KYNU: variants seen among roughly 807,000 people sequenced by gnomAD.
The protein encoded by KYNU is L-kynurenine hydrolase.
A neutral mutation model predicts 59.2 loss-of-function variants in KYNU; 54 were observed. The ratio of observed to expected loss-of-function variants is 0.91; its 90% CI spans 0.73 to 1.14. KYNU has a LOEUF of 1.14. Among genes scored for constraint, KYNU ranks in the 50% most tolerant of loss-of-function variants. KYNU has a pLI of 0.00. For missense variants in KYNU, 567 were observed against 554.4 expected (o/e 1.02, Z -0.23); for synonymous variants, 177 against 192.0 (o/e 0.92, Z 0.65).
At chr2:142,911,480 T>G (rs1682478174) in intron 2 of KYNU, among the ~76,000 whole-genome samples, 1 of 152,176 alleles carries the variant, frequency 6.6e-6, no homozygotes, top group Non-Finnish European at 1.5e-5. Flanking sequence ...TAGGGTTTTC[T>G]AGGTATAGAA....
intron 2 of KYNU, among the ~76,000 whole-genome samples, chr2:142,901,975 C>T (rs780733025): frequency 1.3e-5 from 2 of 152,098 alleles, no homozygotes; most frequent in Non-Finnish European, 2.9e-5. Context: ...AGAAATGTGG[C>T]GGGGTTAAGA....
intron 2 of KYNU, among the ~76,000 whole-genome samples, chr2:142,913,310 A>T (rs1309355520): frequency 1.3e-5 from 2 of 152,100 alleles, no homozygotes; most frequent in Non-Finnish European, 2.9e-5. Context: ...ATTCTAACTT[A>T]CTGATGTAGG....
chr2:142,980,876 A>G (rs1210521269), intron 8 of KYNU, among the ~76,000 whole-genome samples: 1 of 152,168 alleles, frequency 6.6e-6, no homozygotes, highest in Non-Finnish European at 1.5e-5. Context: ...GCTTTCACAT[A>G]TGCATATCAT....
chr2:142,937,368 C>T (rs1683426340), intron 4 of KYNU, among the ~76,000 whole-genome samples: 1 of 152,176 alleles, frequency 6.6e-6, no homozygotes, highest in Admixed American at 6.5e-5. Flanking sequence ...ACACAGGAGG[C>T]TGGACAAGTC....
chr2:142,918,059 T>C (rs750636576), intron 2 of KYNU, among the ~76,000 whole-genome samples: 2 of 152,184 alleles, frequency 1.3e-5, no homozygotes, highest in Non-Finnish European at 2.9e-5. Context: ...AAGAAGTAGA[T>C]GTAGAAAACA....
chr2:142,919,049 G>C (rs775898847), intron 3 of KYNU, among the ~76,000 whole-genome samples: 11 of 152,200 alleles, frequency 7.2e-5, no homozygotes, highest in Non-Finnish European at 1.5e-4. Flanking sequence ...TTAGGGAATA[G>C]TGACGAGAAA....
At chr2:143,000,654 T>C (rs1255308328) in intron 10 of KYNU, among the ~76,000 whole-genome samples, 2 of 104,414 alleles carry the variant, frequency 1.9e-5, no homozygotes, top group Non-Finnish European at 3.6e-5. Context: ...GAAGCTGGCA[T>C]ATCTCTAACT....
intron 10 of KYNU, among the ~76,000 whole-genome samples, chr2:143,017,128 T>C (rs895732160): frequency 4.6e-5 from 7 of 152,192 alleles, no homozygotes; most frequent in African/African-American, 4.8e-5. Flanking sequence ...ATATGTACCA[T>C]ATTTGTTTTA....
chr2:143,026,731 G>A (rs1686579529), intron 10 of KYNU, among the ~76,000 whole-genome samples: 2 of 140,348 alleles, frequency 1.4e-5, no homozygotes, highest in Admixed American at 1.4e-4. Flanking sequence ...TGCTCTTTTA[G>A]CTCTGCTGTC....
rs1687112397 is a variant in KYNU, at chr2:143,043,505, G to A, written c.*1333G>A. The A allele has an allele frequency of 6.6e-6, 1 of 151,778 alleles. No individual in the cohort carries two copies. Among genetic ancestry groups the A allele is most frequent in the Non-Finnish European group, 1.5e-5 (1 of 67,922 alleles). The allele number at this position is 151,778 out of a possible 1,614,324, so 9.4% of individuals were successfully genotyped here. A position where few individuals can be genotyped will look rare whatever the true frequency, so the allele number is the denominator to read the frequency against. On this transcript the variant is annotated 3_prime_UTR_variant, in exon 14 of 14. Transcript: ENST00000264170. ...GGATGGTAGACGTAAACAATAATAT[G>A]TGGAACTCCAACATCAACACCTACC...
chr2:143,001,120 C>T (rs1349913892), intron 10 of KYNU, among the ~76,000 whole-genome samples: 1 of 151,984 alleles, frequency 6.6e-6, no homozygotes, highest in African/African-American at 2.4e-5. Flanking sequence ...TCACTTTGTC[C>T]CCTGGATTGT....
At chr2:143,001,147 G>C (rs964215379) in intron 10 of KYNU, among the ~76,000 whole-genome samples, 3 of 152,058 alleles carry the variant, frequency 2.0e-5, no homozygotes, top group African/African-American at 7.2e-5. Flanking sequence ...TTGGTGTGGA[G>C]TCACAGATCC....
intron 10 of KYNU, among the ~76,000 whole-genome samples, chr2:143,007,178 A>G (rs1434244128): frequency 2.0e-5 from 3 of 150,954 alleles, no homozygotes; most frequent in Non-Finnish European, 4.4e-5. Context: ...AGAAGAATGT[A>G]TAACTAGAAT....
Position 142,998,709 on chromosome 2 carries a change from T to TA in KYNU, c.902+12693dup, listed in dbSNP as rs1685617568. Among the ~76,000 whole-genome samples, 3 of 152,108 alleles carry TA rather than the reference T, an allele frequency of 2.0e-5. No individual in the cohort carries two copies. The East Asian group carries it at 5.8e-4, about 29-fold the overall frequency. ...TTGAGGGAGTGGACATTGTATATAC[T>TA]AAAAAGAATAGCTTCTGTGACCAGG... On this transcript the variant is annotated intron_variant, in intron 10 of 13. Transcript: ENST00000264170.
intron 1 of KYNU, among the ~76,000 whole-genome samples, chr2:142,880,718 G>A (rs1187970861): frequency 6.6e-6 from 1 of 152,186 alleles, no homozygotes; most frequent in Non-Finnish European, 1.5e-5. Context: ...ATAATTCACA[G>A]ATCTTTGATG....
At chr2:142,880,660 T>G (rs1335266642) in intron 1 of KYNU, among the ~76,000 whole-genome samples, 3 of 152,250 alleles carry the variant, frequency 2.0e-5, no homozygotes, top group African/African-American at 7.2e-5. Context: ...AATTTGATTA[T>G]GTACTCAGCT....
At chr2:142,985,207 A>G (rs777922683) in intron 9 of KYNU, 25 bp downstream of exon 9, 8 of 1,357,958 alleles carry the variant, frequency 5.9e-6, no homozygotes, top group Middle Eastern at 1.8e-4. Context: ...ATACATTTAC[A>G]TCCCTTTATT....
At chr2:142,919,272 A>AT (rs1189860338) in intron 3 of KYNU, among the ~76,000 whole-genome samples, 1 of 152,198 alleles carries the variant, frequency 6.6e-6, no homozygotes, top group Non-Finnish European at 1.5e-5. Context: ...AACTTTTACA[A>AT]TATTTAAACG....
At chr2:142,931,200 A>G (rs1364242704) in intron 4 of KYNU, among the ~76,000 whole-genome samples, 1 of 152,186 alleles carries the variant, frequency 6.6e-6, no homozygotes, top group Non-Finnish European at 1.5e-5. Context: ...GGAAGGAGTT[A>G]TTCATCTCCT....
Sources: allele counts gnomAD v4.1 joint callset (sites outside exome capture counted in the v4.1 genomes callset), GRCh38; gene constraint gnomAD v4.1.1; transcripts MANE v1.5; gene names NCBI Gene and HGNC (gene_info 2026-07-23, HGNC 2026-07-21).